Variants in GRHL3 observed in about 807,000 individuals in gnomAD.
GRHL3 encodes grainyhead like transcription factor 3.
Under a neutral mutation model 70.3 loss-of-function variants are expected in GRHL3, and 20 were observed. That is an observed-to-expected ratio of 0.28 (90% CI 0.20 to 0.41). GRHL3 has a LOEUF of 0.41. GRHL3 is among the 10% of genes least tolerant of loss of function. GRHL3 has a pLI of 1.00. For missense variants in GRHL3, 637 were observed against 762.3 expected (o/e 0.84, Z 1.94); for synonymous variants, 299 against 299.9 (o/e 1.00, Z 0.03).
In GRHL3 at chr1:24,337,761, G is replaced by C. The variant is rs1253708416; in HGVS notation, c.812G>C (p.Gly271Ala). 1 of 1,614,108 alleles carries C rather than the reference G, an allele frequency of 6.2e-7. No individual in the cohort carries two copies. Among genetic ancestry groups the C allele is most frequent in the East Asian group, 2.2e-5 (1 of 44,886 alleles). The stretch of plus-strand genomic sequence containing the variant: ...CTGCGGACCCCAGCAGGTGGCAAAG[G>C]CCTTGCCTTGTCCTCCAACAAAGTC... ...VTLRTPAGGK[G>A]LALSSNKVKS... Residue 271 changes from glycine to alanine, a missense_variant, in exon 6 of 16, where the codon GGC becomes GCC. This residue lies in a region of GRHL3 where 387 missense variants were observed against 513.8 expected (regional missense o/e 0.75). Transcript: ENST00000361548.
Position 24,331,544 on chromosome 1 carries a change from GC to G in GRHL3, c.138del (p.Met47Ter). On this transcript the variant is annotated frameshift_variant, in exon 2 of 16. Transcript: ENST00000361548. LOFTEE classifies it high-confidence loss of function. ...AAACCCGTTGACAGCTGCCACAAAG[GC>G]CATGATGAGAGTCAATGGAGATGAT... is the stretch of plus-strand genomic sequence containing the variant. ...LENPLTAATK[A>X]MMRVNGDDDS... 1 of 1,614,126 alleles carries G rather than the reference GC, an allele frequency of 6.2e-7. No individual in the cohort carries two copies. Among genetic ancestry groups the G allele is most frequent in the South Asian group, 1.1e-5 (1 of 91,076 alleles).
chr1:24,355,267 T>TACTC lies in GRHL3; in HGVS notation c.*782_*785dup, dbSNP rs1392217460. The stretch of plus-strand genomic sequence containing the variant: ...CTGTTATTCAGTGATGCATTTTGTA[T>TACTC]ACTCACGTGGTATTTAGTAATAAAA... On this transcript the variant is annotated 3_prime_UTR_variant, in exon 16 of 16. Coordinates refer to ENST00000361548, the MANE Select transcript of GRHL3 (RefSeq NM_198173.3). 2.6e-5 allele frequency: 4 copies of TACTC among 152,678 alleles called. No homozygotes were observed. The highest frequency in any genetic ancestry group is 9.6e-5 in the African/African-American group (4 of 41,456). 9.5% of individuals were successfully genotyped at this position (152,678 alleles called of 1,614,324 possible). A position where few individuals can be genotyped will look rare whatever the true frequency, so the allele number is the denominator to read the frequency against.
At position 24,334,839 on chromosome 1, in the gene GRHL3, A is replaced by T. The variant is rs906488680; in HGVS notation, c.266+133A>T. ...GGGCCCACAACACATTTTGGGATTC[A>T]TGATAATGTTTTCATTTATTTTAAA... On this transcript the variant is annotated intron_variant, in intron 3 of 15. Coordinates refer to ENST00000361548, the MANE Select transcript of GRHL3 (RefSeq NM_198173.3). This position sits in a 1 kb window ranked among gnomAD's most constrained non-coding sequence, Gnocchi z 4.3. 7.8e-6 allele frequency: 4 copies of T among 509,710 alleles called. No individual in the cohort carries two copies. The African/African-American group carries it at 7.9e-5, about 10-fold the overall frequency. The allele number at this position is 509,710 out of a possible 1,614,324, so 31.6% of individuals were successfully genotyped here. A position where few individuals can be genotyped will look rare whatever the true frequency, so the allele number is the denominator to read the frequency against.
intron 1 of GRHL3, among the ~76,000 whole-genome samples, chr1:24,328,478 A>G (rs1046538861): frequency 2.0e-5 from 3 of 152,274 alleles, no homozygotes; most frequent in Admixed American, 2.0e-4. Flanking sequence ...TGGAGACCTT[A>G]TAGGCCAAGA....
intron 11 of GRHL3, among the ~76,000 whole-genome samples, chr1:24,344,027 C>T (rs1004220129): frequency 1.4e-4 from 22 of 152,200 alleles, no homozygotes; most frequent in Non-Finnish European, 2.8e-4. Context: ...GCTCTCCTCA[C>T]TCTCTCACCA....
chr1:24,355,556 T>C (rs187275025), downstream of GRHL3, among the ~76,000 whole-genome samples: 5 of 152,330 alleles, frequency 3.3e-5, no homozygotes, highest in South Asian at 2.1e-4. Context: ...CTCAGGATCA[T>C]TGACTCTGCA....
intron 12 of GRHL3, 115 bp downstream of exon 12, chr1:24,345,046 TC>T: frequency 1.7e-6 from 1 of 601,130 alleles, no homozygotes; most frequent in East Asian, 5.3e-5. Flanking sequence ...CTGTGCCCCC[TC>T]CACACCTGTG....
intron 12 of GRHL3, among the ~76,000 whole-genome samples, chr1:24,346,276 T>C (rs894817189): frequency 6.6e-6 from 1 of 152,186 alleles, no homozygotes; most frequent in East Asian, 1.9e-4. Flanking sequence ...CTATGAAGTA[T>C]TGCTATCATT....
chr1:24,337,070 C>T lies in GRHL3; in HGVS notation c.613-8C>T. Reference sequence around the variant, plus strand: ...CATTTATTCTCTTGGGGCTGTGTTTCTCTGCAGTCGATGCTCTTCCCAGAT... The same window carrying T: ...CATTTATTCTCTTGGGGCTGTGTTTTTCTGCAGTCGATGCTCTTCCCAGAT... On this transcript the variant is annotated splice_region_variant and splice_polypyrimidine_tract_variant and intron_variant, in intron 4 of 15. Transcript: ENST00000361548. 6.2e-7 allele frequency: 1 copy of T among 1,613,514 alleles called. No individual in the cohort carries two copies. The highest frequency in any genetic ancestry group is 2.2e-5 in the East Asian group (1 of 44,874).
At chr1:24,355,992 C>G (rs1016590707), downstream of GRHL3, among the ~76,000 whole-genome samples, 8 of 151,746 alleles carry the variant, frequency 5.3e-5, no homozygotes, top group African/African-American at 1.9e-4. Context: ...CCTCCGCCTC[C>G]CGGGTTCAAG....
chr1:24,326,506 C>CT (rs1329681979), intron 1 of GRHL3, among the ~76,000 whole-genome samples: 1 of 152,034 alleles, frequency 6.6e-6, no homozygotes, highest in East Asian at 1.9e-4. Context: ...TTCTTCATAG[C>CT]TCTCTTCACC....
At chr1:24,348,200 C>T (rs145934487) in intron 14 of GRHL3, among the ~76,000 whole-genome samples, 7 of 152,320 alleles carry the variant, frequency 4.6e-5, no homozygotes, top group East Asian at 3.9e-4. Context: ...CAAATAGTAA[C>T]GCTAGCTGAC....
chr1:24,332,235 T>G (rs1639640952), intron 2 of GRHL3, among the ~76,000 whole-genome samples: 1 of 152,172 alleles, frequency 6.6e-6, no homozygotes, highest in Non-Finnish European at 1.5e-5. Context: ...GCCCACCTTC[T>G]CTTAGAAGCC....
chr1:24,337,657 C>G lies in GRHL3; in HGVS notation c.708C>G (p.Gly236=). Reference sequence around the variant, plus strand: ...GCAGTGACTTTGAATACACCCTGGGCTCCCCCAAAGCCATCCACATCAAGT... The same window carrying G: ...GCAGTGACTTTGAATACACCCTGGGGTCCCCCAAAGCCATCCACATCAAGT... ...SLKSDFEYTL[G]SPKAIHIKSG... Residue 236 remains glycine (G), a synonymous_variant, in exon 6 of 16, where the codon GGC becomes GGG. Transcript: ENST00000361548. 1 of 1,614,196 alleles carries G rather than the reference C, an allele frequency of 6.2e-7. No individual in the cohort carries two copies. Among genetic ancestry groups the G allele is most frequent in the South Asian group, 1.1e-5 (1 of 91,090 alleles).
chr1:24,329,920 T>C, intron 1 of GRHL3, among the ~76,000 whole-genome samples: 1 of 152,310 alleles, frequency 6.6e-6, no homozygotes, highest in East Asian at 1.9e-4. Flanking sequence ...GTTAAGAGCA[T>C]GTGCAATAAC....
At chr1:24,339,813 C>A (rs1488382012) in intron 8 of GRHL3, 51 bp downstream of exon 8, 2 of 1,247,784 alleles carry the variant, frequency 1.6e-6, no homozygotes, top group Non-Finnish European at 2.3e-6. Context: ...CTGGAAGTCC[C>A]TATTCTGGGG....
chr1:24,349,084 C>T (rs886105330), intron 14 of GRHL3, among the ~76,000 whole-genome samples: 7 of 152,262 alleles, frequency 4.6e-5, no homozygotes, highest in Non-Finnish European at 4.4e-5. Context: ...GTGAGGAAAC[C>T]GAGGCTCAGA....
intron 1 of GRHL3, among the ~76,000 whole-genome samples, chr1:24,329,545 T>C (rs1379400248): frequency 6.6e-6 from 1 of 152,222 alleles, no homozygotes; most frequent in East Asian, 1.9e-4. Flanking sequence ...CCTGGTTGTC[T>C]CACGGACCAG....
intron 1 of GRHL3, among the ~76,000 whole-genome samples, chr1:24,326,606 T>C (rs1193542672): frequency 1.3e-5 from 2 of 152,216 alleles, no homozygotes. Context: ...GACCTCGTTA[T>C]CTTATTCTCC....
Sources: gnomAD v4.1 joint callset for allele counts (sites outside exome capture counted in the v4.1 genomes callset) on GRCh38, gnomAD v4.1.1 for gene constraint, gnomAD v4.1.1 regional missense constraint, Gnocchi (gnomAD v3.1) non-coding constraint, MANE v1.5 for transcripts, NCBI Gene and HGNC (gene_info 2026-07-23, HGNC 2026-07-21) for gene names.